The following RYR1 variants were observed in gnomAD, a reference collection of about 807,000 sequenced individuals.
The protein encoded by RYR1 is ryanodine receptor 1, also known as central core disease of muscle.
RYR1 carries 342 observed loss-of-function variants against 583.5 expected under a neutral mutation model. The ratio of observed to expected loss-of-function variants is 0.59; its 90% CI spans 0.54 to 0.64. The LOEUF is 0.64. RYR1 is among the 30% of genes least tolerant of loss of function. The probability of loss-of-function intolerance (pLI) is 0.00; values close to 1 mark genes in which losing one functional copy is unlikely to be tolerated. For missense variants in RYR1, 6,032 were observed against 6,917.2 expected (o/e 0.87, Z 4.54); for synonymous variants, 2,791 against 2,822.5 (o/e 0.99, Z 0.35).
chr19:38,574,293 G>GA (rs61299111), intron 96 of RYR1, among the ~76,000 whole-genome samples: 14,080 of 137,024 alleles, frequency 0.1, 1,500 homozygotes, highest in African/African-American at 0.27. Flanking sequence ...AAAAAGAAAG[G>GA]AAAAAAAAAA....
At chr19:38,523,997 G>A (rs909087687) in intron 70 of RYR1, 68 bp downstream of exon 70, 41 of 1,562,180 alleles carry the variant, frequency 2.6e-5, no homozygotes, top group African/African-American at 1.1e-4. Flanking sequence ...GCCTCTGCAC[G>A]CCCCCGCCTC....
chr19:38,537,822 G>A (rs1231706612), intron 83 of RYR1, 58 bp from the exon 84 acceptor site: 3 of 1,483,768 alleles, frequency 2.0e-6, no homozygotes, highest in Non-Finnish European at 2.8e-6. Context: ...GTGCATGTGT[G>A]CGCTGTGTCT....
intron 27 of RYR1, among the ~76,000 whole-genome samples, chr19:38,470,045 A>T (rs1363762569): frequency 7.9e-5 from 12 of 151,892 alleles, no homozygotes; most frequent in Non-Finnish European, 1.6e-4. Flanking sequence ...ACATGCCTGT[A>T]ATTCCAGCTA....
Position 38,543,269 on chromosome 19 carries a change from A to G in RYR1, c.11690-78A>G. ...TAGGAACTCAACACATGAGTATTGC[A>G]TAAATGAATAAATGACCCACTGTTC... On this transcript the variant is annotated intron_variant, in intron 84 of 105. Transcript: ENST00000359596. This position sits in a 1 kb window ranked among gnomAD's most constrained non-coding sequence, Gnocchi z 4.4. 1.6e-6 allele frequency: 2 copies of G among 1,228,688 alleles called. No homozygotes were observed. Among genetic ancestry groups the G allele is most frequent in the Admixed American group, 1.7e-5 (1 of 59,508 alleles). The allele number at this position is 1,228,688 out of a possible 1,614,324, so 76.1% of individuals were successfully genotyped here.
At chr19:38,566,384 G>C (rs1973429208) in intron 91 of RYR1, among the ~76,000 whole-genome samples, 1 of 146,000 alleles carries the variant, frequency 6.8e-6, no homozygotes, top group Non-Finnish European at 1.5e-5. Context: ...GGGAGGCAGA[G>C]GTTGCAGTGA....
At chr19:38,575,294 G>A (rs1027890583) in intron 96 of RYR1, among the ~76,000 whole-genome samples, 1 of 152,188 alleles carries the variant, frequency 6.6e-6, no homozygotes, top group Non-Finnish European at 1.5e-5. Flanking sequence ...GGCTCTGAAT[G>A]CAAATTCTCT....
Position 38,467,610 on chromosome 19 carries a change from G to A in RYR1, c.3179G>A (p.Ser1060Asn). Residue 1060 changes from serine (S) to asparagine (N), a missense_variant and splice_region_variant, in exon 25 of 106, where the codon AGT (serine) becomes AAT (asparagine). Ser to Asn is a conservative substitution (Grantham distance 46). Around this residue, in one of 11 missense-constraint regions of RYR1, gnomAD observed 2,627 missense variants for 2,961.3 expected, o/e 0.89. Transcript: ENST00000359596. ...TGACTCTGCCTGGCCTCATTTATAG[G>A]TCAGGTGGAGAACCAGTCTCGTTGT... Reference protein sequence around the residue: ...YNIEPPDQEPSQVENQSRCDR... With the variant: ...YNIEPPDQEPNQVENQSRCDR... 6.2e-7 allele frequency: 1 copy of A among 1,614,160 alleles called. No homozygotes were observed. The highest frequency in any genetic ancestry group is 1.1e-5 in the South Asian group (1 of 91,084).
chr19:38,532,653 C>T lies in RYR1; in HGVS notation c.11194-18C>T, dbSNP rs1255041969. 9 of 1,614,106 alleles carry T rather than the reference C, an allele frequency of 5.6e-6. No homozygotes were observed. In the South Asian group the frequency reaches 8.8e-5, roughly 16 times the overall value. On this transcript the variant is annotated intron_variant, in intron 77 of 105. Coordinates refer to ENST00000359596, the MANE Select transcript of RYR1 (RefSeq NM_000540.3). ...GGGGTCTGCTTTGTTCATCCCTTAACTGATGCCCCCTCCCCAGAGCTGCCA... is the reference window on the plus strand; with the variant it reads ...GGGGTCTGCTTTGTTCATCCCTTAATTGATGCCCCCTCCCCAGAGCTGCCA...
chr19:38,577,528 G>A (rs1041842006), intron 97 of RYR1, among the ~76,000 whole-genome samples: 1 of 152,104 alleles, frequency 6.6e-6, no homozygotes, highest in Non-Finnish European at 1.5e-5. Context: ...TGGGCACGGT[G>A]GCTCACGCCT....
Position 38,496,558 on chromosome 19 carries a change from C to T in RYR1, c.6796+17C>T. On this transcript the variant is annotated intron_variant, in intron 41 of 105. Coordinates refer to ENST00000359596, the MANE Select transcript of RYR1 (RefSeq NM_000540.3). The surrounding 1 kb of genome is among the most constrained non-coding windows in gnomAD (Gnocchi z 4.8). ...TCGGCCTGGGTGAGAACCCCCGAGCCCAGGGGCTGTCCCCCAGAACCCACT... is the reference window on the plus strand; with the variant it reads ...TCGGCCTGGGTGAGAACCCCCGAGCTCAGGGGCTGTCCCCCAGAACCCACT... 1.9e-6 allele frequency: 3 copies of T among 1,613,022 alleles called. No homozygotes were observed. Among genetic ancestry groups the T allele is most frequent in the Non-Finnish European group, 2.5e-6 (3 of 1,180,014 alleles).
rs374065822 is a variant in RYR1 at position 38,578,133 on chromosome 19, C to A, written c.14304-11C>A. On this transcript the variant is annotated splice_polypyrimidine_tract_variant and intron_variant, in intron 98 of 105. Transcript: ENST00000359596. The stretch of plus-strand genomic sequence containing the variant: ...ACACTCAAGCATCTCTCCCCACCCC[C>A]GCCCCCACAGGCTCATGTCCATCGA... 6.2e-7 allele frequency: 1 copy of A among 1,613,242 alleles called. No homozygotes were observed. The highest frequency in any genetic ancestry group is 2.2e-5 in the East Asian group (1 of 44,790).
intron 3 of RYR1, among the ~76,000 whole-genome samples, chr19:38,442,857 C>A (rs893456981): frequency 6.6e-6 from 1 of 152,222 alleles, no homozygotes; most frequent in Non-Finnish European, 1.5e-5. Flanking sequence ...TTCCCCCAAC[C>A]CTGATCCCAG....
rs1970265445 is a variant in RYR1 at position 38,502,985 on chromosome 19, T to C, written c.7926+15T>C. ...TGCCACTCAAGGTGAGGGCAAGCGC[T>C]CTTTAGCATCTCATTTCCAGGCCGC... On this transcript the variant is annotated intron_variant, in intron 49 of 105. Transcript: ENST00000359596. The C allele has an allele frequency of 1.9e-6, 3 of 1,605,560 alleles. No homozygotes were observed. The highest frequency in any genetic ancestry group is 2.7e-5 in the African/African-American group (2 of 74,886).
intron 27 of RYR1, among the ~76,000 whole-genome samples, chr19:38,469,758 C>G (rs1446217818): frequency 6.6e-6 from 1 of 151,912 alleles, no homozygotes; most frequent in African/African-American, 2.4e-5. Context: ...AAGCAAAACT[C>G]CATCTCTAAA....
chr19:38,517,576 C>T lies in RYR1; in HGVS notation c.9903C>T (p.Pro3301=), dbSNP rs748417306. 16 of 1,613,936 alleles carry T rather than the reference C, an allele frequency of 9.9e-6. No homozygotes were observed. Among genetic ancestry groups the T allele is most frequent in the African/African-American group, 1.3e-5 (1 of 74,922 alleles). ...APPSALPAGA[P]PPCTAVTSDH... ...CTTCCGCCCTGCCCGCCGGCGCCCC[C>T]CCACCCTGCACAGCTGTCACCTCTG... is the stretch of plus-strand genomic sequence containing the variant. Residue 3301 remains proline, a synonymous_variant, in exon 66 of 106, where the codon CCC becomes CCT. Coordinates refer to ENST00000359596, the MANE Select transcript of RYR1 (RefSeq NM_000540.3).
rs568165729 is a variant in RYR1, at chr19:38,490,242, G to C, written c.5981G>C (p.Arg1994Pro). The stretch of plus-strand genomic sequence containing the variant: ...ATGACCGCAGCAGAGACTGCAAGAC[G>C]TACCCGCGAGTTCCGCTCCCCACCC... ...FSMTAAETAR[R>P]TREFRSPPQE... Residue 1994 changes from arginine (R) to proline (P), a missense_variant, in exon 36 of 106, where the codon CGT becomes CCT. Around this residue, in one of 11 missense-constraint regions of RYR1, gnomAD observed 2,627 missense variants for 2,961.3 expected, o/e 0.89. Transcript: ENST00000359596. 6.2e-7 allele frequency: 1 copy of C among 1,614,116 alleles called. No homozygotes were observed. Among genetic ancestry groups the C allele is most frequent in the Non-Finnish European group, 8.5e-7 (1 of 1,180,040 alleles).
rs1568511265 is a variant in RYR1 at position 38,505,317 on chromosome 19, C to G, written c.8319C>G (p.Asn2773Lys). Residue 2773 changes from asparagine (N) to lysine (K), a missense_variant, in exon 53 of 106, where the codon AAC (asparagine) becomes AAG (lysine). By Grantham distance (94) the Asn-to-Lys change is moderately conservative. This residue lies in a region of RYR1 where 1,493 missense variants were observed against 1,715.5 expected (regional missense o/e 0.87). Coordinates refer to ENST00000359596, the MANE Select transcript of RYR1 (RefSeq NM_000540.3). The stretch of plus-strand genomic sequence containing the variant: ...CTCCCCTCCATCTCTAGATCCAGAA[C>G]AACTGGTCCTATGGAGAGAACATAG... ...HEKWAFDKIQ[N>K]NWSYGENIDE... 1 of 1,610,358 alleles carries G rather than the reference C, an allele frequency of 6.2e-7. No homozygotes were observed. The highest frequency in any genetic ancestry group is 8.5e-7 in the Non-Finnish European group (1 of 1,177,714).
At chr19:38,581,352 C>T (rs552090595) in intron 101 of RYR1, among the ~76,000 whole-genome samples, 9 of 152,298 alleles carry the variant, frequency 5.9e-5, no homozygotes, top group Admixed American at 5.2e-4. Flanking sequence ...GCTGGGATTA[C>T]AGGCATGAGC....
Position 38,511,544 on chromosome 19 carries a change from C to G in RYR1, c.9123-17C>G. ...CTCGCTGTTTCTCCTGCCTTCTGTC[C>G]CTTTCTCTTTCTTCAGCCTCTTCTG... On this transcript the variant is annotated splice_polypyrimidine_tract_variant and intron_variant, in intron 60 of 105. Transcript: ENST00000359596. 6.2e-7 allele frequency: 1 copy of G among 1,613,638 alleles called. No individual in the cohort carries two copies. Among genetic ancestry groups the G allele is most frequent in the Non-Finnish European group, 8.5e-7 (1 of 1,179,986 alleles).
Sources: allele counts gnomAD v4.1 joint callset (sites outside exome capture counted in the v4.1 genomes callset), GRCh38; gene constraint gnomAD v4.1.1; regional missense constraint gnomAD v4.1.1; non-coding constraint Gnocchi (gnomAD v3.1); transcripts MANE v1.5; gene names NCBI Gene and HGNC (gene_info 2026-07-23, HGNC 2026-07-21).